The following SEC63 variants were observed in gnomAD, a reference collection of about 807,000 sequenced individuals.
SEC63 encodes the protein SEC63 protein translocation regulator.
A neutral mutation model predicts 116.2 loss-of-function variants in SEC63; 56 were observed. That is an observed-to-expected ratio of 0.48 (90% CI 0.39 to 0.60). SEC63 has a LOEUF of 0.60. SEC63 is among the 20% of genes least tolerant of loss of function. SEC63 has a pLI of 0.00. For synonymous variants in SEC63, 273 were observed against 294.6 expected (o/e 0.93, Z 0.75); for missense variants, 668 against 900.0 (o/e 0.74, Z 3.30).
At chr6:107,955,291 T>C (rs1195052623) in intron 1 of SEC63, among the ~76,000 whole-genome samples, 1 of 152,236 alleles carries the variant, frequency 6.6e-6, no homozygotes, top group Middle Eastern at 3.4e-3. Flanking sequence ...GCCTCCCGGG[T>C]AGCTGGAATT....
intron 1 of SEC63, among the ~76,000 whole-genome samples, chr6:107,933,188 C>T (rs1787851038): frequency 6.6e-6 from 1 of 152,082 alleles, no homozygotes; most frequent in Admixed American, 6.6e-5. Flanking sequence ...AGGCTATCTA[C>T]AGAAGCTGGA....
At position 107,951,710 on chromosome 6, in the gene SEC63, G is replaced by A. The variant is rs958755824; in HGVS notation, c.124+6176C>T. ...AAAAAGTTCCCGAAGTGGGCCGGGC[G>A]CGGTGGCTCAAGCCTGTAATCCCAG... On this transcript the variant is annotated intron_variant, in intron 1 of 20. Transcript: ENST00000369002. Among the ~76,000 whole-genome samples, 15 of 152,226 alleles carry A rather than the reference G, an allele frequency of 9.9e-5. 1 individual carries two copies. In the South Asian group the frequency reaches 2.5e-3, roughly 25 times the overall value.
Position 107,938,548 on chromosome 6 carries a change from G to A in SEC63, c.125-9034C>T, listed in dbSNP as rs1475898938. Among the ~76,000 whole-genome samples, 7 of 149,588 alleles carry A rather than the reference G, an allele frequency of 4.7e-5. No individual in the cohort carries two copies. The East Asian group carries it at 1.4e-3, about 29-fold the overall frequency. ...TTGTGAGACACCACATCTGGCCCCAGTAAGTCACTTCTTTTTTCTTTTTTT... is the reference window on the plus strand; with the variant it reads ...TTGTGAGACACCACATCTGGCCCCAATAAGTCACTTCTTTTTTCTTTTTTT... On this transcript the variant is annotated intron_variant, in intron 1 of 20. Coordinates refer to ENST00000369002, the MANE Select transcript of SEC63 (RefSeq NM_007214.5).
chr6:107,888,578 C>A (rs1786596316), intron 16 of SEC63, among the ~76,000 whole-genome samples: 1 of 152,156 alleles, frequency 6.6e-6, no homozygotes, highest in African/African-American at 2.4e-5. Flanking sequence ...ACTGAACACT[C>A]TTTATTTCTT....
chr6:107,919,558 C>T (rs967993568), intron 4 of SEC63, among the ~76,000 whole-genome samples: 1 of 152,154 alleles, frequency 6.6e-6, no homozygotes, highest in Middle Eastern at 3.2e-3. Flanking sequence ...CACGGTGGTT[C>T]ACACCTGTAA....
In SEC63 at chr6:107,906,428, G is replaced by C; in HGVS notation, c.961+20C>G. 6.2e-7 allele frequency: 1 copy of C among 1,613,474 alleles called. No individual in the cohort carries two copies. Among genetic ancestry groups the C allele is most frequent in the Non-Finnish European group, 8.5e-7 (1 of 1,179,444 alleles). ...GCTTTCATCCCACTAAACCTCTGTAGATACCGGAATCACAAATACCTTCTT... is the reference window on the plus strand; with the variant it reads ...GCTTTCATCCCACTAAACCTCTGTACATACCGGAATCACAAATACCTTCTT... On this transcript the variant is annotated intron_variant, in intron 10 of 20. Transcript: ENST00000369002.
intron 17 of SEC63, among the ~76,000 whole-genome samples, chr6:107,881,730 T>C (rs1249851218): frequency 6.6e-6 from 1 of 152,204 alleles, no homozygotes; most frequent in Non-Finnish European, 1.5e-5. Flanking sequence ...TCCCTCCTTA[T>C]GTACCTTGCA....
At chr6:107,888,042 G>A (rs1003829243) in intron 16 of SEC63, among the ~76,000 whole-genome samples, 1 of 152,112 alleles carries the variant, frequency 6.6e-6, no homozygotes, top group African/African-American at 2.4e-5. Context: ...CTCCAGCTTT[G>A]TTCTTTTTGC....
rs140251976 is a variant in SEC63 at position 107,924,927 on chromosome 6, A to G, written c.230T>C (p.Ile77Thr). 297 of 1,564,148 alleles carry G rather than the reference A, an allele frequency of 1.9e-4. No individual in the cohort carries two copies. In the Middle Eastern group the frequency reaches 2.0e-3, roughly 11 times the overall value. Residue 77 changes from isoleucine (I) to threonine (T), a missense_variant, in exon 3 of 21, where the codon ATA (isoleucine) becomes ACA (threonine). By Grantham distance (89) the Ile-to-Thr change is moderately conservative (BLOSUM62 -1). Transcript: ENST00000369002. ...QPNIIPTVKKIVLLAGWALFL... is the reference protein window; with the variant it reads ...QPNIIPTVKKTVLLAGWALFL... ...CAATGCCCATCCTGCAAGCAGAACT[A>G]TTTTCCTGTTTAGGAAAAAGGTAAG...
intron 3 of SEC63, among the ~76,000 whole-genome samples, chr6:107,923,758 G>A (rs1004911970): frequency 9.4e-5 from 14 of 149,408 alleles, no homozygotes; most frequent in East Asian, 7.9e-4. Context: ...GACCTCAAGC[G>A]ATCCTCCCAC....
At chr6:107,884,806 A>C (rs1786491450) in intron 16 of SEC63, among the ~76,000 whole-genome samples, 1 of 152,164 alleles carries the variant, frequency 6.6e-6, no homozygotes, top group African/African-American at 2.4e-5. Context: ...AAATACTGTA[A>C]AATCCAGATA....
At chr6:107,876,800 A>G in intron 18 of SEC63, 138 bp from the exon 19 acceptor site, 1 of 634,188 alleles carries the variant, frequency 1.6e-6, no homozygotes, top group Non-Finnish European at 2.8e-6. Flanking sequence ...AGGTATTCAA[A>G]TGAATATTTA....
chr6:107,933,954 C>T (rs887159657), intron 1 of SEC63, among the ~76,000 whole-genome samples: 16 of 152,224 alleles, frequency 1.1e-4, no homozygotes, highest in African/African-American at 2.7e-4. Flanking sequence ...AGCTCCTAAC[C>T]GCGAGTGATC....
chr6:107,947,921 T>C (rs1770508730), intron 1 of SEC63, among the ~76,000 whole-genome samples: 1 of 152,178 alleles, frequency 6.6e-6, no homozygotes, highest in South Asian at 2.1e-4. Flanking sequence ...CATGTTTTAT[T>C]ACCATACTTT....
intron 16 of SEC63, among the ~76,000 whole-genome samples, chr6:107,891,166 A>G (rs1274172502): frequency 6.6e-6 from 1 of 152,114 alleles, no homozygotes; most frequent in Admixed American, 6.6e-5. Context: ...GTATTTTCCA[A>G]TTTGGTTCCA....
At chr6:107,917,583 T>A (rs1209231817) in intron 4 of SEC63, among the ~76,000 whole-genome samples, 1 of 152,176 alleles carries the variant, frequency 6.6e-6, no homozygotes, top group Non-Finnish European at 1.5e-5. Context: ...GACAGTCAAG[T>A]TGTGAATTCA....
chr6:107,887,102 C>G (rs191878173), intron 16 of SEC63, among the ~76,000 whole-genome samples: 58 of 152,086 alleles, frequency 3.8e-4, no homozygotes, highest in East Asian at 9.7e-4. Context: ...GAAACAACAG[C>G]TGCTGGAGAG....
In SEC63 at chr6:107,906,675, A is replaced by G. The variant is rs983072327; in HGVS notation, c.828+8T>C. On this transcript the variant is annotated splice_region_variant and intron_variant, in intron 9 of 20. Transcript: ENST00000369002. ...TGCTCATCGGGGGATTTGGGAAATT[A>G]GCCTAACCTGTGGTATTAGAATATT... is the stretch of plus-strand genomic sequence containing the variant. The G allele has an allele frequency of 3.1e-6, 5 of 1,612,010 alleles. No individual in the cohort carries two copies. In the African/African-American group the frequency reaches 6.7e-5, roughly 22 times the overall value.
Position 107,924,832 on chromosome 6 carries a change from A to G in SEC63, c.325T>C (p.Leu109=). 3 of 1,525,966 alleles carry G rather than the reference A, an allele frequency of 2.0e-6. No individual in the cohort carries two copies. Among genetic ancestry groups the G allele is most frequent in the Middle Eastern group, 3.4e-4 (2 of 5,870 alleles). 94.5% of individuals were successfully genotyped at this position (1,525,966 alleles called of 1,614,324 possible). The change falls in exon 3 of 21, where the codon TTA becomes CTA. Residue 109 remains leucine, a synonymous_variant. Transcript: ENST00000369002. ...ATACTACTTACAGGATCCAAATTTA[A>G]TACTTCATAAGGATTGTATTCTTGG... ...EYQEYNPYEV[L]NLDPGATVAE...
Sources: allele counts gnomAD v4.1 joint callset (sites outside exome capture counted in the v4.1 genomes callset), GRCh38; gene constraint gnomAD v4.1.1; transcripts MANE v1.5; gene names NCBI Gene and HGNC (gene_info 2026-07-23, HGNC 2026-07-21).